MRPL35: variants seen among roughly 807,000 people sequenced by gnomAD.
MRPL35 encodes the protein mitochondrial ribosomal protein L35.
A neutral mutation model predicts 21.6 loss-of-function variants in MRPL35; 18 were observed. The ratio of observed to expected loss-of-function variants is 0.83; its 90% CI spans 0.58 to 1.24. The LOEUF (loss-of-function observed/expected upper bound fraction) is 1.24, where lower values mean the gene tolerates loss of function less well. Among genes scored for constraint, MRPL35 ranks in the 50% most tolerant of loss-of-function variants. MRPL35 has a pLI of 0.00. For missense variants in MRPL35, 223 were observed against 223.2 expected (o/e 1.00, Z 0.01); for synonymous variants, 87 against 86.9 (o/e 1.00, Z -0.01).
chr2:86,203,907 G>T (rs1448214706), intron 1 of MRPL35, among the ~76,000 whole-genome samples: 2 of 151,952 alleles, frequency 1.3e-5, no homozygotes, highest in African/African-American at 4.8e-5. Flanking sequence ...CCCCTCATTT[G>T]TTATCTGAAA....
Position 86,213,365 on chromosome 2 carries a change from C to G in MRPL35, c.*2697C>G. ...ACGAATGGATTTCCAGCCTTTTTTT[C>G]CCATCTGTTCCTGCTTTTAGTCCTC... On this transcript the variant is annotated 3_prime_UTR_variant, in exon 4 of 4. Transcript: ENST00000337109. The G allele has an allele frequency of 8.0e-7, 1 of 1,248,052 alleles. No individual in the cohort carries two copies. The highest frequency in any genetic ancestry group is 1.0e-6 in the Non-Finnish European group (1 of 996,956). The allele number at this position is 1,248,052 out of a possible 1,614,324, so 77.3% of individuals were successfully genotyped here. A position where few individuals can be genotyped will look rare whatever the true frequency, so the allele number is the denominator to read the frequency against.
chr2:86,211,956 T>A lies in MRPL35; in HGVS notation c.*1288T>A. On this transcript the variant is annotated 3_prime_UTR_variant, in exon 4 of 4. Transcript: ENST00000337109. ...AGAAACGAAAAAGTTAAGCATTGTT[T>A]ACTTGAAGTGGGCAGGGAAGCAGCA... The A allele has an allele frequency of 1.0e-6, 1 of 986,458 alleles. No individual in the cohort carries two copies. The allele number at this position is 986,458 out of a possible 1,614,324, so 61.1% of individuals were successfully genotyped here.
At chr2:86,205,015 G>A (rs1444223304) in intron 1 of MRPL35, among the ~76,000 whole-genome samples, 2 of 152,164 alleles carry the variant, frequency 1.3e-5, no homozygotes, top group Non-Finnish European at 2.9e-5. Flanking sequence ...GAGGCAGGTG[G>A]ATCACTTGAG....
At chr2:86,203,665 G>T (rs1431352813) in intron 1 of MRPL35, among the ~76,000 whole-genome samples, 2 of 152,038 alleles carry the variant, frequency 1.3e-5, no homozygotes, top group African/African-American at 4.8e-5. Flanking sequence ...TTTATTATCT[G>T]CCATTAGCAT....
chr2:86,205,948 G>C (rs1673780345), intron 1 of MRPL35, among the ~76,000 whole-genome samples, 158 bp from the exon 2 acceptor site: 2 of 152,154 alleles, frequency 1.3e-5, no homozygotes, highest in Non-Finnish European at 2.9e-5. Flanking sequence ...TTAATTTATG[G>C]TTATACCTTA....
Position 86,210,898 on chromosome 2 carries a change from G to A in MRPL35, c.*230G>A. 2 of 1,179,038 alleles carry A rather than the reference G, an allele frequency of 1.7e-6. No homozygotes were observed. Among genetic ancestry groups the A allele is most frequent in the South Asian group, 3.6e-5 (1 of 28,092 alleles). 73.0% of individuals were successfully genotyped at this position (1,179,038 alleles called of 1,614,324 possible). On this transcript the variant is annotated 3_prime_UTR_variant, in exon 4 of 4. Coordinates refer to ENST00000337109, the MANE Select transcript of MRPL35 (RefSeq NM_016622.4). ...TGCATTATTTTTAACAAATGGTATT[G>A]GCTTAACTAGTTGTTTCAGTTATGC...
Position 86,212,046 on chromosome 2 carries a change from C to T in MRPL35, c.*1378C>T. On this transcript the variant is annotated 3_prime_UTR_variant, in exon 4 of 4. Transcript: ENST00000337109. ...TGGTTCCCAACTCTCCGATCAGAATCATCTGGGAAGCATTTTCAAACAGCA... is the reference window on the plus strand; with the variant it reads ...TGGTTCCCAACTCTCCGATCAGAATTATCTGGGAAGCATTTTCAAACAGCA... 1 of 1,051,256 alleles carries T rather than the reference C, an allele frequency of 9.5e-7. No individual in the cohort carries two copies. 65.1% of individuals were successfully genotyped at this position (1,051,256 alleles called of 1,614,324 possible).
Position 86,211,320 on chromosome 2 carries a change from A to C in MRPL35, c.*652A>C, listed in dbSNP as rs899783501. The C allele has an allele frequency of 1.1e-6, 1 of 916,894 alleles. No individual in the cohort carries two copies. Among genetic ancestry groups the C allele is most frequent in the Non-Finnish European group, 1.3e-6 (1 of 767,746 alleles). 56.8% of individuals were successfully genotyped at this position (916,894 alleles called of 1,614,324 possible). On this transcript the variant is annotated 3_prime_UTR_variant, in exon 4 of 4. Transcript: ENST00000337109. ...CTTCAGCTCCTGCTGCTAGTCTCCA[A>C]TTGCCAAGGGAATTTAACTGGGCCA...
chr2:86,205,112 C>T (rs1673765059), intron 1 of MRPL35, among the ~76,000 whole-genome samples: 1 of 152,070 alleles, frequency 6.6e-6, no homozygotes. Context: ...GTAGTCCCAG[C>T]TACTTAGGAG....
In MRPL35 at chr2:86,211,873, A is replaced by G. The variant is rs1192062698; in HGVS notation, c.*1205A>G. On this transcript the variant is annotated 3_prime_UTR_variant, in exon 4 of 4. Coordinates refer to ENST00000337109, the MANE Select transcript of MRPL35 (RefSeq NM_016622.4). ...TCATTTGTAAGGATAAACTTTTCCCACAAATTTTCAACAATCATTGTAGAA... is the reference window on the plus strand; with the variant it reads ...TCATTTGTAAGGATAAACTTTTCCCGCAAATTTTCAACAATCATTGTAGAA... The G allele has an allele frequency of 1.0e-6, 1 of 985,380 alleles. No homozygotes were observed. The highest frequency in any genetic ancestry group is 1.2e-6 in the Non-Finnish European group (1 of 829,992). The allele number at this position is 985,380 out of a possible 1,614,324, so 61.0% of individuals were successfully genotyped here. A position where few individuals can be genotyped will look rare whatever the true frequency, so the allele number is the denominator to read the frequency against.
Position 86,211,860 on chromosome 2 carries a change from A to G in MRPL35, c.*1192A>G, listed in dbSNP as rs1245145686. Reference sequence around the variant, plus strand: ...AGATTTCATGTTTTCATTTGTAAGGATAAACTTTTCCCACAAATTTTCAAC... The same window carrying G: ...AGATTTCATGTTTTCATTTGTAAGGGTAAACTTTTCCCACAAATTTTCAAC... On this transcript the variant is annotated 3_prime_UTR_variant, in exon 4 of 4. Coordinates refer to ENST00000337109, the MANE Select transcript of MRPL35 (RefSeq NM_016622.4). 1.0e-6 allele frequency: 1 copy of G among 985,454 alleles called. No homozygotes were observed. The highest frequency in any genetic ancestry group is 1.7e-5 in the African/African-American group (1 of 57,248). The allele number at this position is 985,454 out of a possible 1,614,324, so 61.0% of individuals were successfully genotyped here.
intron 1 of MRPL35, among the ~76,000 whole-genome samples, chr2:86,201,546 G>T (rs1673685138): frequency 6.6e-6 from 1 of 151,978 alleles, no homozygotes; most frequent in South Asian, 2.1e-4. Context: ...TATAGTTCTT[G>T]TAATTTTTAA....
chr2:86,203,422 G>A (rs752741623), intron 1 of MRPL35, among the ~76,000 whole-genome samples: 4 of 152,090 alleles, frequency 2.6e-5, no homozygotes, highest in Admixed American at 6.5e-5. Flanking sequence ...TCACGTGATC[G>A]GTGGCAGTCA....
In MRPL35 at chr2:86,213,652, A is replaced by T; in HGVS notation, c.*2984A>T. On this transcript the variant is annotated 3_prime_UTR_variant, in exon 4 of 4. Coordinates refer to ENST00000337109, the MANE Select transcript of MRPL35 (RefSeq NM_016622.4). ...GGCACTCCCCCATTTGCAGATGAAG[A>T]AATGTTCAGAGAAGAAAAATGATGG... The T allele has an allele frequency of 6.4e-7, 1 of 1,550,548 alleles. No individual in the cohort carries two copies. The highest frequency in any genetic ancestry group is 2.4e-5 in the East Asian group (1 of 40,920).
rs193283037 is a variant in MRPL35, at chr2:86,213,139, C to G, written c.*2471C>G. 172 of 986,316 alleles carry G rather than the reference C, an allele frequency of 1.7e-4. No individual in the cohort carries two copies. In the African/African-American group the frequency reaches 2.8e-3, roughly 16 times the overall value. The allele number at this position is 986,316 out of a possible 1,614,324, so 61.1% of individuals were successfully genotyped here. A position where few individuals can be genotyped will look rare whatever the true frequency, so the allele number is the denominator to read the frequency against. ...ACTCCTTGGGATCCTGTGTATTTCCCTGAGTCTTCTAACATATGAAAATTC... is the reference window on the plus strand; with the variant it reads ...ACTCCTTGGGATCCTGTGTATTTCCGTGAGTCTTCTAACATATGAAAATTC... On this transcript the variant is annotated 3_prime_UTR_variant, in exon 4 of 4. Transcript: ENST00000337109.
At chr2:86,208,751 A>G (rs1673849704) in intron 3 of MRPL35, among the ~76,000 whole-genome samples, 1 of 151,698 alleles carries the variant, frequency 6.6e-6, no homozygotes, top group Admixed American at 6.6e-5. Context: ...ACCCGATCAT[A>G]CTCTCCAGTC....
Position 86,206,194 on chromosome 2 carries a change from A to C in MRPL35, c.132A>C (p.Gly44=), listed in dbSNP as rs1673785982. The C allele has an allele frequency of 6.2e-7, 1 of 1,613,684 alleles. No homozygotes were observed. Among genetic ancestry groups the C allele is most frequent in the Non-Finnish European group, 8.5e-7 (1 of 1,179,740 alleles). Residue 44 remains glycine (G), a synonymous_variant, in exon 2 of 4, where the codon GGA becomes GGC. Coordinates refer to ENST00000337109, the MANE Select transcript of MRPL35 (RefSeq NM_016622.4). ...NASLISALST[G]RFSHIQTPVV... is the part of the protein sequence containing the mutation. ...CTCTTATTTCTGCATTGTCCACTGG[A>C]CGTTTTAGTCATATTCAGACACCAG... is the stretch of plus-strand genomic sequence containing the variant.
intron 3 of MRPL35, 71 bp from the exon 4 acceptor site, chr2:86,210,409 C>A (rs1673879589): frequency 3.2e-6 from 4 of 1,266,562 alleles, no homozygotes; most frequent in Non-Finnish European, 4.2e-6. Flanking sequence ...GTCTATAAAC[C>A]TTGAGTTGTG....
Position 86,211,106 on chromosome 2 carries a change from T to C in MRPL35, c.*438T>C, listed in dbSNP as rs765570427. The C allele has an allele frequency of 3.2e-5, 32 of 987,740 alleles. No homozygotes were observed. The highest frequency in any genetic ancestry group is 3.6e-5 in the Non-Finnish European group (30 of 831,544). The allele number at this position is 987,740 out of a possible 1,614,324, so 61.2% of individuals were successfully genotyped here. On this transcript the variant is annotated 3_prime_UTR_variant, in exon 4 of 4. Coordinates refer to ENST00000337109, the MANE Select transcript of MRPL35 (RefSeq NM_016622.4). Reference sequence around the variant, plus strand: ...CTCAGGAAGAGTAGAAATTGGGTGGTGCTCCTCAGCAGGGGAAGGTGGATG... The same window carrying C: ...CTCAGGAAGAGTAGAAATTGGGTGGCGCTCCTCAGCAGGGGAAGGTGGATG...
Sources: allele counts gnomAD v4.1 joint callset (sites outside exome capture counted in the v4.1 genomes callset), GRCh38; gene constraint gnomAD v4.1.1; transcripts MANE v1.5; gene names NCBI Gene and HGNC (gene_info 2026-07-23, HGNC 2026-07-21).